The following CDC14B variants were observed in gnomAD, a reference collection of about 807,000 sequenced individuals.
The protein encoded by CDC14B is cell division cycle 14B.
A neutral mutation model predicts 64.2 loss-of-function variants in CDC14B; 22 were observed. That is an observed-to-expected ratio of 0.34 (90% CI 0.24 to 0.49). CDC14B has a LOEUF of 0.49. Among genes scored for constraint, CDC14B ranks in the 20% least tolerant of loss-of-function variants. CDC14B has a pLI of 0.99. For missense variants in CDC14B, 498 were observed against 629.9 expected (o/e 0.79, Z 2.24); for synonymous variants, 191 against 215.8 (o/e 0.89, Z 1.01).
At chr9:96,584,317 C>G (rs1292515814) in intron 1 of CDC14B, among the ~76,000 whole-genome samples, 1 of 152,126 alleles carries the variant, frequency 6.6e-6, no homozygotes, top group African/African-American at 2.4e-5. Flanking sequence ...TGACTGTAAC[C>G]TATCAAAAAG....
At chr9:96,598,041 C>CACAAAGCACTAATCAAGT (rs1001034407) in intron 1 of CDC14B, among the ~76,000 whole-genome samples, 1 of 152,062 alleles carries the variant, frequency 6.6e-6, no homozygotes, top group Admixed American at 6.6e-5. Flanking sequence ...GTGTGGCAAA[C>CACAAAGCACTAATCAAGT]ACAAAGCACT....
downstream of CDC14B, among the ~76,000 whole-genome samples, chr9:96,497,304 G>A (rs1443863317): frequency 6.6e-6 from 1 of 151,588 alleles, no homozygotes; most frequent in South Asian, 2.1e-4. Context: ...AGGCAGGGGC[G>A]GGGAGGCAGA....
intron 6 of CDC14B, 97 bp from the exon 7 acceptor site, chr9:96,539,237 A>G (rs1419797864): frequency 7.3e-6 from 6 of 822,814 alleles, no homozygotes; most frequent in South Asian, 5.8e-5. Flanking sequence ...GCCCCCCAAG[A>G]AAGTATTGTC....
chr9:96,566,717 C>A, intron 1 of CDC14B: 1 of 1,546,266 alleles, frequency 6.5e-7, no homozygotes, highest in Non-Finnish European at 8.8e-7. Flanking sequence ...CCGCCCTGTC[C>A]CAGCGCGGGT....
chr9:96,599,012 G>A (rs935550525), intron 1 of CDC14B, among the ~76,000 whole-genome samples: 32 of 152,080 alleles, frequency 2.1e-4, no homozygotes, highest in Admixed American at 2.0e-3. Flanking sequence ...TCTCACATTT[G>A]AACATCTCTG....
rs767373843 is a variant in CDC14B at position 96,565,433 on chromosome 9, C to G, written c.211G>C (p.Val71Leu). The change falls in exon 2 of 14, where the codon GTA becomes CTA. Residue 71 changes from valine to leucine, a missense_variant. Transcript: ENST00000375241. ...LYSRPKSASNVHYFSIDNELE... is the reference protein window; with the variant it reads ...LYSRPKSASNLHYFSIDNELE... ...TCATTATCTATGCTGAAATAATGTA[C>G]ATTTGATGCACTCTTTGGTCTGCTG... 6.2e-7 allele frequency: 1 copy of G among 1,611,220 alleles called. No individual in the cohort carries two copies. Among genetic ancestry groups the G allele is most frequent in the Admixed American group, 1.7e-5 (1 of 59,958 alleles).
intron 1 of CDC14B, among the ~76,000 whole-genome samples, chr9:96,585,676 T>C (rs1474124006): frequency 6.6e-6 from 1 of 152,148 alleles, no homozygotes; most frequent in African/African-American, 2.4e-5. Flanking sequence ...GAATGTAAAA[T>C]GGTATGTAGA....
At chr9:96,512,089 C>T (rs553588431) in intron 12 of CDC14B, among the ~76,000 whole-genome samples, 7 of 151,410 alleles carry the variant, frequency 4.6e-5, no homozygotes, top group African/African-American at 1.2e-4. Flanking sequence ...CGTGGTGGGG[C>T]GTGCCTTGGT....
At chr9:96,598,681 G>A (rs373632391) in intron 1 of CDC14B, among the ~76,000 whole-genome samples, 1 of 151,994 alleles carries the variant, frequency 6.6e-6, no homozygotes. Context: ...ATTGCTAGTG[G>A]GACTGTAAAT....
chr9:96,568,690 T>A (rs1564359997), intron 1 of CDC14B, among the ~76,000 whole-genome samples: 1 of 152,028 alleles, frequency 6.6e-6, no homozygotes, highest in Non-Finnish European at 1.5e-5. Context: ...CCGAGGAGGA[T>A]GGATCATCTG....
Position 96,564,853 on chromosome 9 carries a change from C to A in CDC14B, c.252-1G>T. On this transcript the variant is annotated splice_acceptor_variant, in intron 2 of 13. Coordinates refer to ENST00000375241, the MANE Select transcript of CDC14B (RefSeq NM_033331.4). LOFTEE classifies it high-confidence loss of function. ...GAGTGGTCCAAAATCTGCGTAGAAGCTTTAAAAATGAAAAATAAAAATGTG... is the reference window on the plus strand; with the variant it reads ...GAGTGGTCCAAAATCTGCGTAGAAGATTTAAAAATGAAAAATAAAAATGTG... The A allele has an allele frequency of 1.3e-6, 2 of 1,587,750 alleles. No homozygotes were observed. Among genetic ancestry groups the A allele is most frequent in the Non-Finnish European group, 1.7e-6 (2 of 1,164,978 alleles).
Position 96,515,580 on chromosome 9 carries a change from C to A in CDC14B, c.1344-5791G>T. The A allele has an allele frequency of 7.2e-7, 1 of 1,382,476 alleles. No individual in the cohort carries two copies. The highest frequency in any genetic ancestry group is 9.5e-7 in the Non-Finnish European group (1 of 1,050,344). The allele number at this position is 1,382,476 out of a possible 1,614,324, so 85.6% of individuals were successfully genotyped here. A position where few individuals can be genotyped will look rare whatever the true frequency, so the allele number is the denominator to read the frequency against. ...AGCTAGGAGCTGACAAGGAGAAAAA[C>A]ATGCATTGTGGGAACCACACTAGGC... is the stretch of plus-strand genomic sequence containing the variant. On this transcript the variant is annotated intron_variant, in intron 12 of 13. Coordinates refer to ENST00000375241, the MANE Select transcript of CDC14B (RefSeq NM_033331.4). The surrounding 1 kb of genome is among the most constrained non-coding windows in gnomAD (Gnocchi z 4.3).
chr9:96,573,748 T>C (rs947652607), intron 1 of CDC14B, among the ~76,000 whole-genome samples: 4 of 152,168 alleles, frequency 2.6e-5, no homozygotes, highest in Non-Finnish European at 1.5e-5. Flanking sequence ...TTAAATGTAA[T>C]AAATTTACAT....
chr9:96,544,491 C>T (rs1840524645), intron 5 of CDC14B, among the ~76,000 whole-genome samples: 2 of 152,158 alleles, frequency 1.3e-5, no homozygotes, highest in Admixed American at 6.6e-5. Context: ...GGACAGAATG[C>T]AGGGTCTTGT....
At chr9:96,591,513 C>A (rs998545944) in intron 1 of CDC14B, among the ~76,000 whole-genome samples, 2 of 151,982 alleles carry the variant, frequency 1.3e-5, no homozygotes, top group African/African-American at 2.4e-5. Context: ...GGAATTGAAG[C>A]CTCTAGCTTT....
At chr9:96,537,277 G>C (rs1025633141) in intron 7 of CDC14B, among the ~76,000 whole-genome samples, 1 of 152,116 alleles carries the variant, frequency 6.6e-6, no homozygotes, top group African/African-American at 2.4e-5. Flanking sequence ...AGCAGAGTGA[G>C]ACCCTGTCTC....
intron 5 of CDC14B, among the ~76,000 whole-genome samples, chr9:96,545,554 G>A (rs1400645822): frequency 6.6e-6 from 1 of 152,046 alleles, no homozygotes; most frequent in African/African-American, 2.4e-5. Context: ...TCCTGACCTC[G>A]TGATCCACCT....
chr9:96,610,098 T>TAC (rs570379220), intron 1 of CDC14B, among the ~76,000 whole-genome samples: 8,189 of 149,522 alleles, frequency 0.055, 538 homozygotes, highest in African/African-American at 0.16. Context: ...GATATATAGA[T>TAC]ACACACACAC....
chr9:96,494,799 C>T (rs1833179120), intron 13 of CDC14B, among the ~76,000 whole-genome samples: 1 of 106,542 alleles, frequency 9.4e-6, no homozygotes, highest in African/African-American at 3.7e-5. Flanking sequence ...CCCGTCCTGT[C>T]CAGTCTCGTC....
Sources: allele counts gnomAD v4.1 joint callset (sites outside exome capture counted in the v4.1 genomes callset), GRCh38; gene constraint gnomAD v4.1.1; non-coding constraint Gnocchi (gnomAD v3.1); transcripts MANE v1.5; gene names NCBI Gene and HGNC (gene_info 2026-07-23, HGNC 2026-07-21).